Variants in PALB2 observed in about 807,000 individuals in gnomAD.
PALB2 encodes mutant partner and localizer of BRCA2.
A neutral mutation model predicts 107.4 loss-of-function variants in PALB2; 82 were observed. The observed-to-expected ratio is 0.76, with a 90% confidence interval of 0.64 to 0.92. PALB2 has a LOEUF of 0.92. Among genes scored for constraint, PALB2 ranks in the 40% least tolerant of loss-of-function variants. The probability of loss-of-function intolerance (pLI) is 0.00; values close to 1 mark genes in which losing one functional copy is unlikely to be tolerated. For missense variants in PALB2, 1,374 were observed against 1,379.9 expected (o/e 1.00, Z 0.07); for synonymous variants, 489 against 496.8 (o/e 0.98, Z 0.21).
At chr16:23,616,195 C>T (rs1185339501) in intron 10 of PALB2, among the ~76,000 whole-genome samples, 1 of 151,940 alleles carries the variant, frequency 6.6e-6, no homozygotes, top group Non-Finnish European at 1.5e-5. Flanking sequence ...CTAGTTATAT[C>T]CCACCCCCTC....
In PALB2 at chr16:23,609,352, G is replaced by T. The variant is rs889072680; in HGVS notation, c.3202-1340C>A. Among the ~76,000 whole-genome samples the T allele has an allele frequency of 2.0e-5, 3 of 152,062 alleles. No individual in the cohort carries two copies. The East Asian group carries it at 5.8e-4, about 29-fold the overall frequency. ...AGTGGGGAGGATCGCTTGAGCCCAAGAACTCAAGGCTATAGTGAGCTATGA... is the reference window on the plus strand; with the variant it reads ...AGTGGGGAGGATCGCTTGAGCCCAATAACTCAAGGCTATAGTGAGCTATGA... On this transcript the variant is annotated intron_variant, in intron 11 of 12. Coordinates refer to ENST00000261584, the MANE Select transcript of PALB2 (RefSeq NM_024675.4).
At chr16:23,621,544 C>A in intron 9 of PALB2, 66 bp from the exon 10 acceptor site, 1 of 990,018 alleles carries the variant, frequency 1.0e-6, no homozygotes, top group Non-Finnish European at 1.6e-6. Context: ...AGCCCTTCTC[C>A]GCATTGTTGA....
At chr16:23,640,312 A>T (rs948198619) in intron 1 of PALB2, 1 of 202,542 alleles carries the variant, frequency 4.9e-6, no homozygotes, top group South Asian at 1.9e-4. Context: ...ACATCCTAAA[A>T]GTCTATCAGT....
chr16:23,638,380 T>G, intron 1 of PALB2: 1 of 558,852 alleles, frequency 1.8e-6, no homozygotes, highest in African/African-American at 1.9e-5. Context: ...GCTTAGATTT[T>G]TATTTCCCTG....
At chr16:23,631,109 CAAA>C (rs58841030) in intron 4 of PALB2, among the ~76,000 whole-genome samples, 3 of 58,444 alleles carry the variant, frequency 5.1e-5, no homozygotes, top group Admixed American at 2.1e-4. Context: ...ACTAAAAATA[CAAA>C]AAAAAAAAAA....
intron 10 of PALB2, among the ~76,000 whole-genome samples, 153 bp from the exon 11 acceptor site, chr16:23,614,244 G>A (rs1372009212): frequency 2.0e-5 from 3 of 152,190 alleles, no homozygotes; most frequent in African/African-American, 2.4e-5. Flanking sequence ...TTAGGTAAAA[G>A]TAGAACTGTG....
intron 1 of PALB2, among the ~76,000 whole-genome samples, chr16:23,640,030 T>C (rs1967178456): frequency 2.0e-5 from 3 of 152,044 alleles, no homozygotes; most frequent in Admixed American, 6.6e-5. Flanking sequence ...CCTCTGGGAC[T>C]ACAGGCTGGC....
Position 23,629,659 on chromosome 16 carries a change from T to C in PALB2, c.2495A>G (p.His832Arg). 6.2e-7 allele frequency: 1 copy of C among 1,614,192 alleles called. No individual in the cohort carries two copies. ...QLCRNTCQEL[H>R]KHSVEQTETA... ...TTGTACCTGTTCGACGGAATGTTTA[T>C]GCAGCTCCTGGCATGTGTTTCTACA... The change falls in exon 5 of 13, where the codon CAT (histidine) becomes CGT (arginine). Residue 832 changes from histidine to arginine, a missense_variant. Physicochemically the swap from His to Arg is conservative, Grantham distance 29. Coordinates refer to ENST00000261584, the MANE Select transcript of PALB2 (RefSeq NM_024675.4).
intron 3 of PALB2, 68 bp from the exon 4 acceptor site, chr16:23,636,402 TAACC>T: frequency 9.8e-7 from 1 of 1,023,922 alleles, no homozygotes; most frequent in Non-Finnish European, 1.4e-6. Context: ...TACTCATTTT[TAACC>T]TATTATATAT....
At chr16:23,615,799 G>A (rs968435826) in intron 10 of PALB2, among the ~76,000 whole-genome samples, 8 of 151,866 alleles carry the variant, frequency 5.3e-5, no homozygotes, top group African/African-American at 1.9e-4. Flanking sequence ...TGAGTAGCAG[G>A]GATTACAGGC....
chr16:23,624,229 ACT>A (rs1357391531), intron 7 of PALB2, 135 bp from the exon 8 acceptor site: 5 of 682,794 alleles, frequency 7.3e-6, no homozygotes, highest in South Asian at 1.7e-5. Flanking sequence ...GGCTCAGAAA[ACT>A]CTTTTTATTA....
intron 3 of PALB2, among the ~76,000 whole-genome samples, chr16:23,637,044 T>A (rs1032417560): frequency 1.3e-5 from 2 of 151,258 alleles, no homozygotes; most frequent in African/African-American, 4.9e-5. Flanking sequence ...GGTCAGGAGA[T>A]CAAGACCATC....
intron 7 of PALB2, 56 bp from the exon 8 acceptor site, chr16:23,624,150 C>T (rs1966829164): frequency 1.6e-6 from 2 of 1,236,634 alleles, no homozygotes; most frequent in East Asian, 4.8e-5. Flanking sequence ...TTTGTTTAAT[C>T]CAGATTTTCC....
At position 23,626,543 on chromosome 16, in the gene PALB2, G is replaced by C. The variant is rs141698257; in HGVS notation, c.2587-146C>G. 4.4e-4 allele frequency: 382 copies of C among 860,950 alleles called. 4 individuals carry two copies. The African/African-American group carries it at 4.9e-3, about 11-fold the overall frequency. 53.3% of individuals were successfully genotyped at this position (860,950 alleles called of 1,614,324 possible). A position where few individuals can be genotyped will look rare whatever the true frequency, so the allele number is the denominator to read the frequency against. The stretch of plus-strand genomic sequence containing the variant: ...TATGCAGGTGAAAAGAAAGAGCTTT[G>C]TGGTTCTTATGTACCTAAAAAAATG... On this transcript the variant is annotated intron_variant, in intron 6 of 12. Transcript: ENST00000261584.
chr16:23,616,381 G>A (rs1268796602), intron 10 of PALB2, among the ~76,000 whole-genome samples: 1 of 152,156 alleles, frequency 6.6e-6, no homozygotes, highest in Non-Finnish European at 1.5e-5. Context: ...ACTGAAGAAG[G>A]AAAATTAAAT....
chr16:23,620,405 C>T (rs1966752526), intron 10 of PALB2, among the ~76,000 whole-genome samples: 1 of 152,142 alleles, frequency 6.6e-6, no homozygotes, highest in Non-Finnish European at 1.5e-5. Flanking sequence ...AGAAGATCTT[C>T]TATTAGGCTT....
intron 4 of PALB2, among the ~76,000 whole-genome samples, chr16:23,631,434 A>G (rs977253713): frequency 2.6e-5 from 4 of 152,058 alleles, no homozygotes; most frequent in African/African-American, 9.7e-5. Context: ...GCACCACTGC[A>G]CTCCAGCCTG....
intron 11 of PALB2, among the ~76,000 whole-genome samples, chr16:23,608,640 G>T (rs897441853): frequency 6.6e-6 from 1 of 152,004 alleles, no homozygotes. Flanking sequence ...GCCCACAATA[G>T]CCTATTTAAA....
At chr16:23,631,692 C>G (rs1966879367) in intron 4 of PALB2, among the ~76,000 whole-genome samples, 1 of 152,144 alleles carries the variant, frequency 6.6e-6, no homozygotes, top group South Asian at 2.1e-4. Flanking sequence ...CTCATTGTCT[C>G]TCATAAGGGA....
Sources: gnomAD v4.1 joint callset for allele counts (sites outside exome capture counted in the v4.1 genomes callset) on GRCh38, gnomAD v4.1.1 for gene constraint, MANE v1.5 for transcripts, NCBI Gene and HGNC (gene_info 2026-07-23, HGNC 2026-07-21) for gene names.